The following RGS5 variants were observed in gnomAD, a reference collection of about 807,000 sequenced individuals.
RGS5 encodes regulator of G protein signaling 5, also known as regulator of G-protein signalling 5.
A neutral mutation model predicts 18.9 loss-of-function variants in RGS5; 20 were observed. The ratio of observed to expected loss-of-function variants is 1.06; its 90% CI spans 0.74 to 1.54. RGS5 has a LOEUF of 1.54. RGS5 is among the 40% of genes most tolerant of loss of function. The pLI, the probability that RGS5 is intolerant of heterozygous loss-of-function variation, is 0.00. For missense variants in RGS5, 201 were observed against 211.8 expected (o/e 0.95, Z 0.32); for synonymous variants, 57 against 76.2 (o/e 0.75, Z 1.31).
At chr1:163,318,350 G>C (rs1343869493) in intron 1 of RGS5, among the ~76,000 whole-genome samples, 1 of 152,174 alleles carries the variant, frequency 6.6e-6, no homozygotes, top group Non-Finnish European at 1.5e-5. Flanking sequence ...AAGTGAAATA[G>C]ATTTACATTT....
intron 2 of RGS5, among the ~76,000 whole-genome samples, chr1:163,224,613 C>A (rs1647295005): frequency 6.6e-6 from 1 of 152,098 alleles, no homozygotes; most frequent in Non-Finnish European, 1.5e-5. Flanking sequence ...AAAAAGGAAC[C>A]TCCATACTGT....
chr1:163,193,379 T>TA (rs558307815), intron 1 of RGS5, among the ~76,000 whole-genome samples: 14 of 152,152 alleles, frequency 9.2e-5, no homozygotes, highest in Non-Finnish European at 2.1e-4. Context: ...AACACTGAAA[T>TA]ATTTTCTTTT....
At chr1:163,221,690 T>G (rs1470556671), upstream of RGS5, among the ~76,000 whole-genome samples, 1 of 152,232 alleles carries the variant, frequency 6.6e-6, no homozygotes, top group East Asian at 1.9e-4. Flanking sequence ...TGCATGCCAC[T>G]TATCAGGGAG....
At chr1:163,308,167 TAA>T (rs1649756786) in intron 1 of RGS5, among the ~76,000 whole-genome samples, 1 of 152,218 alleles carries the variant, frequency 6.6e-6, no homozygotes, top group African/African-American at 2.4e-5. Flanking sequence ...GTGCTACATT[TAA>T]AAAAGTTATT....
intron 2 of RGS5, among the ~76,000 whole-genome samples, chr1:163,276,832 T>C (rs898482954): frequency 1.3e-5 from 2 of 152,188 alleles, no homozygotes; most frequent in East Asian, 3.9e-4. Context: ...GGGAAGATTG[T>C]AAACCAAAAA....
rs775200751 is a variant in RGS5, at chr1:163,217,588, C to T, written c.7G>A (p.Ala3Thr). 1,228 of 1,546,268 alleles carry T rather than the reference C, an allele frequency of 7.9e-4. 1 individual carries two copies. Among genetic ancestry groups the T allele is most frequent in the Non-Finnish European group, 9.4e-4 (1,077 of 1,145,714 alleles). The change falls in exon 1 of 6, where the codon GCA (alanine) becomes ACA (threonine). Residue 3 changes from alanine to threonine, a missense_variant. Physicochemically the swap from Ala to Thr is moderately conservative, Grantham distance 58. Transcript: ENST00000367903. ...AGAATATCCTGTGAAATGTTTCTTG[C>T]GCACATTTTTCACTGAGGTTTTGTT...
At chr1:163,236,636 C>T (rs1647627730) in intron 2 of RGS5, among the ~76,000 whole-genome samples, 1 of 152,026 alleles carries the variant, frequency 6.6e-6, no homozygotes, top group Non-Finnish European at 1.5e-5. Context: ...ATAGGAAAAA[C>T]CCTTGAGCAG....
chr1:163,316,982 T>C (rs60012224), intron 1 of RGS5, among the ~76,000 whole-genome samples: 2,665 of 152,288 alleles, frequency 0.017, 87 homozygotes, highest in African/African-American at 0.061. Context: ...TGTATAATAG[T>C]GGAGACAGGC....
intron 1 of RGS5, among the ~76,000 whole-genome samples, chr1:163,198,269 C>T (rs1170642265): frequency 6.6e-6 from 1 of 152,072 alleles, no homozygotes; most frequent in Non-Finnish European, 1.5e-5. Flanking sequence ...TTGACACACC[C>T]TTGAGATGGC....
upstream of RGS5, among the ~76,000 whole-genome samples, chr1:163,218,590 T>C (rs1217568801): frequency 1.3e-5 from 2 of 151,626 alleles, no homozygotes; most frequent in Non-Finnish European, 2.9e-5. Flanking sequence ...AAATAAAATA[T>C]GTAAAAATAA....
chr1:163,217,651 T>C, upstream of RGS5: 1 of 1,505,490 alleles, frequency 6.6e-7, no homozygotes. Flanking sequence ...TGGGCTAGTG[T>C]TCCTTAGAAT....
At chr1:163,224,633 T>C (rs898970520) in intron 2 of RGS5, among the ~76,000 whole-genome samples, 1 of 152,222 alleles carries the variant, frequency 6.6e-6, no homozygotes, top group Non-Finnish European at 1.5e-5. Context: ...TTGTTTGTAA[T>C]GGCTGTACTA....
chr1:163,172,212 G>A (rs1658333801), intron 1 of RGS5, among the ~76,000 whole-genome samples: 2 of 152,200 alleles, frequency 1.3e-5, no homozygotes, highest in African/African-American at 2.4e-5. Context: ...TTGCAGCAAA[G>A]TTGGTATGAA....
At chr1:163,167,693 C>T (rs1658112623) in intron 2 of RGS5, among the ~76,000 whole-genome samples, 1 of 152,116 alleles carries the variant, frequency 6.6e-6, no homozygotes, top group Non-Finnish European at 1.5e-5. Context: ...AATAGCTAGT[C>T]CAGTATTCGT....
chr1:163,160,935 G>A (rs1657773427), intron 3 of RGS5, among the ~76,000 whole-genome samples: 1 of 152,074 alleles, frequency 6.6e-6, no homozygotes, highest in Non-Finnish European at 1.5e-5. Context: ...ACTAATTCTT[G>A]CCCGTTTGTG....
intron 2 of RGS5, among the ~76,000 whole-genome samples, chr1:163,274,104 T>A (rs570995106): frequency 6.6e-6 from 1 of 152,192 alleles, no homozygotes; most frequent in Non-Finnish European, 1.5e-5. Flanking sequence ...ATAGAGCTCC[T>A]AAACCCTTAA....
intron 2 of RGS5, chr1:163,300,386 C>T (rs987783210): frequency 6.6e-6 from 1 of 152,206 alleles, no homozygotes; most frequent in East Asian, 1.9e-4. Flanking sequence ...TACGATTGAT[C>T]GTATTTCTAT....
Position 163,213,190 on chromosome 1 carries a change from A to G in RGS5, c.69+4336T>C, listed in dbSNP as rs377666873. 3.3e-5 allele frequency among the ~76,000 whole-genome samples: 5 copies of G among 152,292 alleles called. No homozygotes were observed. In the East Asian group the frequency reaches 7.7e-4, roughly 24 times the overall value. ...TTAAAACTCATGTCCTGGATATAAC[A>G]CATGGCAGATGCTATTAGTTGCTAT... On this transcript the variant is annotated intron_variant, in intron 1 of 5. Coordinates refer to the RGS5 transcript ENST00000367903.
chr1:163,229,074 A>T (rs1233848306), intron 2 of RGS5, among the ~76,000 whole-genome samples: 3 of 152,092 alleles, frequency 2.0e-5, no homozygotes, highest in Admixed American at 6.6e-5. Context: ...TCATTTCCAA[A>T]TTTTTTAGTA....
Sources: gnomAD v4.1 joint callset for allele counts (sites outside exome capture counted in the v4.1 genomes callset) on GRCh38, gnomAD v4.1.1 for gene constraint, MANE v1.5 for transcripts, NCBI Gene and HGNC (gene_info 2026-07-23, HGNC 2026-07-21) for gene names.